Variants in HAUS1 observed in about 807,000 individuals in gnomAD.
HAUS1 encodes HAUS augmin-like complex subunit 1.
Under a neutral mutation model 38.6 loss-of-function variants are expected in HAUS1, and 25 were observed. The observed-to-expected ratio is 0.65, with a 90% confidence interval of 0.47 to 0.91. The LOEUF is 0.91. HAUS1 is among the 40% of genes least tolerant of loss of function. The pLI, the probability that HAUS1 is intolerant of heterozygous loss-of-function variation, is 0.00. For synonymous variants in HAUS1, 109 were observed against 112.9 expected (o/e 0.97, Z 0.22); for missense variants, 325 against 328.4 (o/e 0.99, Z 0.08).
chr18:46,113,101 C>T (rs1452377143), intron 2 of HAUS1, among the ~76,000 whole-genome samples: 1 of 73,006 alleles, frequency 1.4e-5, no homozygotes, highest in Non-Finnish European at 3.4e-5. Flanking sequence ...TTTTTTGAGA[C>T]AGGGTCTCAC....
intron 6 of HAUS1, among the ~76,000 whole-genome samples, chr18:46,124,276 G>A (rs1912033514): frequency 6.6e-6 from 1 of 152,044 alleles, no homozygotes. Context: ...CAGGCATGGT[G>A]GCACATGCCT....
intron 2 of HAUS1, among the ~76,000 whole-genome samples, chr18:46,117,076 C>T (rs1421193771): frequency 6.6e-6 from 1 of 152,188 alleles, no homozygotes; most frequent in East Asian, 1.9e-4. Context: ...GAGCCTTCAT[C>T]ACTTCTAATG....
chr18:46,111,639 A>G (rs1032191235), intron 2 of HAUS1, among the ~76,000 whole-genome samples: 15 of 151,658 alleles, frequency 9.9e-5, no homozygotes, highest in African/African-American at 3.6e-4. Flanking sequence ...TGTATTTTTA[A>G]TAGAGATAGG....
Position 46,128,165 on chromosome 18 carries a change from T to C in HAUS1, c.*40T>C. On this transcript the variant is annotated 3_prime_UTR_variant, in exon 9 of 9. Coordinates refer to ENST00000282058, the MANE Select transcript of HAUS1 (RefSeq NM_138443.4). ...ACATCCTTTTCCCTAACAAAGTAAATTGAATAGGACTTTACAGAGTTCTTT... is the reference window on the plus strand; with the variant it reads ...ACATCCTTTTCCCTAACAAAGTAAACTGAATAGGACTTTACAGAGTTCTTT... 7.6e-7 allele frequency: 1 copy of C among 1,319,598 alleles called. No homozygotes were observed. Among genetic ancestry groups the C allele is most frequent in the Non-Finnish European group, 1.1e-6 (1 of 939,046 alleles). The allele number at this position is 1,319,598 out of a possible 1,614,324, so 81.7% of individuals were successfully genotyped here. A position where few individuals can be genotyped will look rare whatever the true frequency, so the allele number is the denominator to read the frequency against.
rs1279429068 is a variant in HAUS1, at chr18:46,105,586, G to GTA, written c.205+219_205+220insAT. ...TGTGTGTGTGTGTGTGTGTGTGTGT[G>GTA]TGTGTGTATATATTTTAGACAATCT... On this transcript the variant is annotated intron_variant, in intron 2 of 8. Transcript: ENST00000282058. 6.1e-5 allele frequency among the ~76,000 whole-genome samples: 5 copies of GTA among 81,634 alleles called. 1 individual carries two copies. Among genetic ancestry groups the GTA allele is most frequent in the African/African-American group, 2.6e-4 (5 of 19,596 alleles). 53.6% of individuals were successfully genotyped at this position (81,634 alleles called of 152,430 possible). A position where few individuals can be genotyped will look rare whatever the true frequency, so the allele number is the denominator to read the frequency against.
At chr18:46,118,840 A>G (rs187804495) in intron 3 of HAUS1, among the ~76,000 whole-genome samples, 2 of 152,222 alleles carry the variant, frequency 1.3e-5, no homozygotes, top group East Asian at 1.9e-4. Context: ...ACTTTTGGCC[A>G]TATCTTAGCT....
intron 2 of HAUS1, among the ~76,000 whole-genome samples, chr18:46,110,783 C>CTTCT (rs1210598786): frequency 6.6e-6 from 1 of 151,066 alleles, no homozygotes; most frequent in Non-Finnish European, 1.5e-5. Context: ...ATTTCACTGT[C>CTTCT]TTCTGGCCTA....
chr18:46,109,027 C>A (rs8084329), intron 2 of HAUS1, among the ~76,000 whole-genome samples: 1 of 148,022 alleles, frequency 6.8e-6, no homozygotes, highest in Non-Finnish European at 1.5e-5. Context: ...GCTGAGATCG[C>A]GCAACTGCAC....
At chr18:46,118,348 T>G (rs766740481) in intron 3 of HAUS1, 32 bp downstream of exon 3, 5 of 1,606,022 alleles carry the variant, frequency 3.1e-6, no homozygotes. Flanking sequence ...ATTTCCGCAA[T>G]CATATCTGCT....
intron 2 of HAUS1, among the ~76,000 whole-genome samples, chr18:46,108,829 T>G (rs563700055): frequency 6.6e-5 from 10 of 152,184 alleles, no homozygotes; most frequent in African/African-American, 2.4e-4. Flanking sequence ...CCCAGCACTT[T>G]GGGAGGCCGA....
chr18:46,111,460 T>TA (rs1186682124), intron 2 of HAUS1, among the ~76,000 whole-genome samples: 1 of 152,182 alleles, frequency 6.6e-6, no homozygotes, highest in South Asian at 2.1e-4. Flanking sequence ...TAGCTGGACT[T>TA]ACAGGCATAT....
chr18:46,117,304 G>A (rs1311108034), intron 2 of HAUS1, among the ~76,000 whole-genome samples: 2 of 152,094 alleles, frequency 1.3e-5, no homozygotes, highest in African/African-American at 4.8e-5. Flanking sequence ...GTGGTTAAGT[G>A]GATAAATAAA....
intron 6 of HAUS1, among the ~76,000 whole-genome samples, chr18:46,124,353 G>C (rs957505466): frequency 2.7e-5 from 4 of 147,610 alleles, no homozygotes; most frequent in Non-Finnish European, 4.4e-5. Context: ...GGGGGCGGAG[G>C]TTGCAGTGGG....
intron 2 of HAUS1, among the ~76,000 whole-genome samples, chr18:46,112,432 AAT>A (rs1394469519): frequency 4.1e-4 from 21 of 51,364 alleles, no homozygotes; most frequent in Admixed American, 6.1e-4. Flanking sequence ...TTATATATAT[AAT>A]ATATATAATG....
In HAUS1 at chr18:46,112,826, A is replaced by G. The variant is rs1327377835; in HGVS notation, c.206-5355A>G. ...TGTATATATATTCCATATTATATAT[A>G]TAATATATATAATGTGTATATATAT... On this transcript the variant is annotated intron_variant, in intron 2 of 8. Transcript: ENST00000282058. Among the ~76,000 whole-genome samples the G allele has an allele frequency of 2.2e-5, 2 of 89,166 alleles. 1 individual carries two copies. The highest frequency in any genetic ancestry group is 1.1e-4 in the African/African-American group (2 of 18,856). The allele number at this position is 89,166 out of a possible 152,430, so 58.5% of individuals were successfully genotyped here.
At chr18:46,115,465 A>C (rs1300354220) in intron 2 of HAUS1, among the ~76,000 whole-genome samples, 3 of 151,158 alleles carry the variant, frequency 2.0e-5, no homozygotes, top group Non-Finnish European at 4.4e-5. Context: ...TCTCAAAAAA[A>C]AAAAAAAAAA....
At chr18:46,110,362 T>A (rs1207850622) in intron 2 of HAUS1, among the ~76,000 whole-genome samples, 8 of 135,066 alleles carry the variant, frequency 5.9e-5, no homozygotes, top group African/African-American at 8.6e-5. Flanking sequence ...TTTTTTTTTT[T>A]AGATGGAGTT....
chr18:46,118,077 C>G lies in HAUS1; in HGVS notation c.206-104C>G, dbSNP rs1270106272. The G allele has an allele frequency of 3.8e-6, 4 of 1,062,144 alleles. No homozygotes were observed. The South Asian group carries it at 5.6e-5, about 15-fold the overall frequency. 65.8% of individuals were successfully genotyped at this position (1,062,144 alleles called of 1,614,324 possible). A position where few individuals can be genotyped will look rare whatever the true frequency, so the allele number is the denominator to read the frequency against. On this transcript the variant is annotated intron_variant, in intron 2 of 8. Coordinates refer to ENST00000282058, the MANE Select transcript of HAUS1 (RefSeq NM_138443.4). ...TAAAAGCCACTGAATTACATACATA[C>G]CTTAGGTGGGTGGATTATATGCTAT...
At chr18:46,117,905 C>T (rs1470595190) in intron 2 of HAUS1, among the ~76,000 whole-genome samples, 3 of 151,884 alleles carry the variant, frequency 2.0e-5, no homozygotes, top group Non-Finnish European at 4.4e-5. Context: ...GAGATCGTGC[C>T]ACTGCACTCC....
Sources: gnomAD v4.1 joint callset for allele counts (sites outside exome capture counted in the v4.1 genomes callset) on GRCh38, gnomAD v4.1.1 for gene constraint, MANE v1.5 for transcripts, NCBI Gene and HGNC (gene_info 2026-07-23, HGNC 2026-07-21) for gene names.